Variants in GPR173 observed in about 807,000 individuals in gnomAD.
GPR173 encodes G protein-coupled receptor 173, also known as probable G protein-coupled receptor 173.
Under a neutral mutation model 13.9 loss-of-function variants are expected in GPR173, and 2 were observed. That is an observed-to-expected ratio of 0.14 (90% CI 0.06 to 0.45). The LOEUF (loss-of-function observed/expected upper bound fraction) is 0.45, where lower values mean the gene tolerates loss of function less well. GPR173 is among the 20% of genes least tolerant of loss of function. The pLI is 0.98. For synonymous variants in GPR173, 131 were observed against 141.0 expected (o/e 0.93, Z 0.50); for missense variants, 202 against 340.5 (o/e 0.59, Z 3.20).
In GPR173 at chrX:53,076,872, G is replaced by A. The variant is rs782813162; in HGVS notation, c.251G>A (p.Arg84His). 45 of 1,208,742 alleles carry A rather than the reference G, an allele frequency of 3.7e-5. 2 individuals carry two copies. The highest frequency in any genetic ancestry group is 3.5e-4 in the South Asian group (20 of 56,937). Residue 84 changes from arginine (R) to histidine (H), a missense_variant, in exon 2 of 2, where the codon CGC (arginine) becomes CAC (histidine). Arg to His is a conservative substitution (Grantham distance 29, BLOSUM62 0). Transcript: ENST00000332582. ...VCFPFVLASV[R>H]HGSSWTFSAL... ...TTCCCCTTTGTGCTGGCTTCTGTGC[G>A]CCACGGCTCTTCATGGACCTTCAGT...
intron 1 of GPR173, among the ~76,000 whole-genome samples, chrX:53,072,785 G>C (rs184913057): frequency 9.0e-6 from 1 of 111,695 alleles, no homozygotes; most frequent in Non-Finnish European, 1.9e-5. Context: ...CCAGCTGCGG[G>C]CTGTTCCACA....
intron 1 of GPR173, among the ~76,000 whole-genome samples, chrX:53,073,298 G>A (rs1244684976): frequency 9.2e-6 from 1 of 109,281 alleles, no homozygotes; most frequent in African/African-American, 3.3e-5. Flanking sequence ...CCATGCAGAG[G>A]GGAGACTTTT....
intron 1 of GPR173, among the ~76,000 whole-genome samples, chrX:53,069,406 G>A (rs1314766981): frequency 2.7e-5 from 3 of 112,219 alleles, no homozygotes; most frequent in Non-Finnish European, 3.8e-5. Flanking sequence ...AACGGGAAGT[G>A]ATGAAAACAG....
intron 1 of GPR173, among the ~76,000 whole-genome samples, chrX:53,072,198 T>G (rs1451879319): frequency 1.8e-5 from 2 of 110,512 alleles, no homozygotes; most frequent in African/African-American, 6.6e-5. Context: ...GACTCAGGGC[T>G]ACGCATTATC....
intron 1 of GPR173, among the ~76,000 whole-genome samples, chrX:53,049,752 C>T (rs1332894228): frequency 1.8e-5 from 2 of 111,810 alleles, no homozygotes; most frequent in East Asian, 2.8e-4. Context: ...ATCATGGTTG[C>T]GTTTGGGCAT....
chrX:53,075,615 C>G (rs1254363547), intron 1 of GPR173, among the ~76,000 whole-genome samples: 1 of 108,997 alleles, frequency 9.2e-6, no homozygotes, highest in Non-Finnish European at 1.9e-5. Flanking sequence ...TACTTGCCTC[C>G]TCACCTAAAA....
chrX:53,068,207 C>G (rs965416882), intron 1 of GPR173, among the ~76,000 whole-genome samples: 1 of 111,169 alleles, frequency 9.0e-6, no homozygotes, highest in Non-Finnish European at 1.9e-5. Context: ...ATTGGTAAGT[C>G]TGGGCAATGG....
At chrX:53,070,874 T>TAC (rs1556804708) in intron 1 of GPR173, 1 of 111,785 alleles carries the variant, frequency 8.9e-6, no homozygotes, top group Non-Finnish European at 1.9e-5. Context: ...AAAAGAAAAA[T>TAC]GATTTATAAG....
intron 1 of GPR173, among the ~76,000 whole-genome samples, chrX:53,066,149 T>G (rs948228599): frequency 3.6e-5 from 4 of 111,226 alleles, no homozygotes; most frequent in Admixed American, 2.9e-4. Flanking sequence ...AACAGAAAAT[T>G]TTCATTTTGT....
chrX:53,057,144 C>T (rs182519827), intron 1 of GPR173, among the ~76,000 whole-genome samples: 4 of 112,028 alleles, frequency 3.6e-5, no homozygotes, highest in East Asian at 2.8e-4. Context: ...AGGCTGGACG[C>T]GTTGGCTCAC....
chrX:53,055,585 G>T (rs1345115633), intron 1 of GPR173, among the ~76,000 whole-genome samples: 1 of 110,246 alleles, frequency 9.1e-6, no homozygotes, highest in Admixed American at 9.8e-5. Flanking sequence ...AGTGGGAAGT[G>T]TGTGTATGGA....
chrX:53,078,018 G>T lies in GPR173; in HGVS notation c.*275G>T. On this transcript the variant is annotated 3_prime_UTR_variant, in exon 2 of 2. Transcript: ENST00000332582. ...TCTCATTCTCTCTCTCTCTCTCTCT[G>T]TCTCTCTCTCTCTCTCTCTCTCTCT... 7.7e-6 allele frequency: 2 copies of T among 259,594 alleles called. No homozygotes were observed. Among genetic ancestry groups the T allele is most frequent in the South Asian group, 1.3e-4 (1 of 7,719 alleles). 21.4% of individuals were successfully genotyped at this position (259,594 alleles called of 1,213,427 possible). A position where few individuals can be genotyped will look rare whatever the true frequency, so the allele number is the denominator to read the frequency against.
rs58304820 is a variant in GPR173, at chrX:53,067,823, CAAAAAA to C, written c.-97-8690_-97-8685del. Among the ~76,000 whole-genome samples the C allele has an allele frequency of 3.9e-5, 3 of 77,438 alleles. No individual in the cohort carries two copies. The South Asian group carries it at 2.2e-3, about 56-fold the overall frequency. The allele number at this position is 77,438 out of a possible 115,157, so 67.2% of individuals were successfully genotyped here. A position where few individuals can be genotyped will look rare whatever the true frequency, so the allele number is the denominator to read the frequency against. On this transcript the variant is annotated intron_variant, in intron 1 of 1. Coordinates refer to ENST00000332582, the MANE Select transcript of GPR173 (RefSeq NM_018969.6). ...TGGGCGACAGAGCGAGACTCCATCT[CAAAAAA>C]AAAAAAAAAAAGAAAGCAGCACTCT...
intron 1 of GPR173, among the ~76,000 whole-genome samples, chrX:53,073,855 A>C (rs868988841): frequency 1.9e-5 from 1 of 52,218 alleles, no homozygotes; most frequent in Non-Finnish European, 3.5e-5. Flanking sequence ...TATATATATA[A>C]ATTTATATAT....
At chrX:53,062,199 G>A (rs1270314226) in intron 1 of GPR173, among the ~76,000 whole-genome samples, 2 of 110,677 alleles carry the variant, frequency 1.8e-5, no homozygotes, top group East Asian at 2.8e-4. Context: ...CATGAACTTC[G>A]GAGGACACAT....
intron 1 of GPR173, among the ~76,000 whole-genome samples, chrX:53,073,541 G>C (rs1556805046): frequency 9.2e-6 from 1 of 108,974 alleles, no homozygotes; most frequent in African/African-American, 3.3e-5. Flanking sequence ...TGCTGTTGTA[G>C]CTAATCCTGC....
chrX:53,058,858 A>G (rs1409573039), intron 1 of GPR173, among the ~76,000 whole-genome samples: 2 of 110,154 alleles, frequency 1.8e-5, no homozygotes, highest in African/African-American at 6.6e-5. Context: ...GTATGTATGT[A>G]AGTGCCTATG....
intron 1 of GPR173, among the ~76,000 whole-genome samples, chrX:53,067,816 T>A (rs1222826365): frequency 4.6e-5 from 2 of 43,272 alleles, no homozygotes; most frequent in Admixed American, 4.1e-4. Flanking sequence ...AGAGCGAGAC[T>A]CCATCTCAAA....
intron 1 of GPR173, among the ~76,000 whole-genome samples, chrX:53,069,761 T>C: frequency 1.8e-5 from 2 of 111,902 alleles, no homozygotes; most frequent in Middle Eastern, 4.7e-3. Context: ...GTGTGTGTGT[T>C]GGAGCTGTTA....
Sources: allele counts gnomAD v4.1 joint callset (sites outside exome capture counted in the v4.1 genomes callset), GRCh38; gene constraint gnomAD v4.1.1; transcripts MANE v1.5; gene names NCBI Gene and HGNC (gene_info 2026-07-23, HGNC 2026-07-21).